Variants in DYNC1I1 observed in about 807,000 individuals in gnomAD.
The protein encoded by DYNC1I1 is cytoplasmic dynein 1 intermediate chain 1.
A neutral mutation model predicts 86.6 loss-of-function variants in DYNC1I1; 43 were observed. The ratio of observed to expected loss-of-function variants is 0.50; its 90% confidence interval spans 0.39 to 0.64. DYNC1I1 has a LOEUF of 0.64. DYNC1I1 is among the 30% of genes least tolerant of loss of function. DYNC1I1 has a pLI of 0.00. For synonymous variants in DYNC1I1, 262 were observed against 283.7 expected (o/e 0.92, Z 0.77); for missense variants, 604 against 788.8 (o/e 0.77, Z 2.81).
intron 1 of DYNC1I1, among the ~76,000 whole-genome samples, chr7:95,803,216 T>C (rs181249743): frequency 6.6e-6 from 1 of 152,326 alleles, no homozygotes; most frequent in African/African-American, 2.4e-5. Flanking sequence ...ATAATGAATG[T>C]CAAAGGCCTG....
At position 96,039,432 on chromosome 7, in the gene DYNC1I1, C is replaced by A. The variant is rs909733190; in HGVS notation, c.1509+11C>A. On this transcript the variant is annotated intron_variant, in intron 14 of 16. Coordinates refer to ENST00000447467, the MANE Select transcript of DYNC1I1 (RefSeq NM_001135556.2). ...CTGTGGACCACCAAGGTAAGAATAT[C>A]TTGACTGAAATTCTCAGATAATACA... The A allele has an allele frequency of 6.2e-7, 1 of 1,613,732 alleles. No individual in the cohort carries two copies. The highest frequency in any genetic ancestry group is 1.7e-5 in the Admixed American group (1 of 59,982).
At chr7:96,038,330 A>G (rs1181030838) in intron 13 of DYNC1I1, among the ~76,000 whole-genome samples, 1 of 152,192 alleles carries the variant, frequency 6.6e-6, no homozygotes, top group African/African-American at 2.4e-5. Context: ...CCTCATGCAC[A>G]TGAATATTTT....
intron 6 of DYNC1I1, among the ~76,000 whole-genome samples, chr7:95,933,108 C>G (rs1296045144): frequency 6.6e-6 from 1 of 152,084 alleles, no homozygotes; most frequent in Non-Finnish European, 1.5e-5. Context: ...GTCTCAAAAT[C>G]CTGTCCTCAA....
intron 7 of DYNC1I1, among the ~76,000 whole-genome samples, chr7:95,980,599 T>TGG (rs2115657887): frequency 7.3e-6 from 1 of 137,118 alleles, no homozygotes; most frequent in East Asian, 2.3e-4. Flanking sequence ...GAGGGGGACA[T>TGG]GGGGAAAATA....
At chr7:95,854,466 T>C (rs1789663613) in intron 5 of DYNC1I1, among the ~76,000 whole-genome samples, 2 of 152,178 alleles carry the variant, frequency 1.3e-5, no homozygotes, top group South Asian at 4.1e-4. Flanking sequence ...TGTGTCACAA[T>C]ATGTATTTTC....
At chr7:96,020,495 A>G (rs1195822237) in intron 10 of DYNC1I1, among the ~76,000 whole-genome samples, 1 of 152,284 alleles carries the variant, frequency 6.6e-6, no homozygotes, top group East Asian at 1.9e-4. Flanking sequence ...CCCATGATCC[A>G]GTTACCTCCC....
At chr7:95,774,453 C>T (rs1368471634) in intron 1 of DYNC1I1, among the ~76,000 whole-genome samples, 1 of 152,084 alleles carries the variant, frequency 6.6e-6, no homozygotes, top group Admixed American at 6.6e-5. Flanking sequence ...TGAAAACATG[C>T]ATGATTGTTT....
intron 12 of DYNC1I1, among the ~76,000 whole-genome samples, chr7:96,033,341 A>G (rs2116000728): frequency 6.6e-6 from 1 of 152,348 alleles, no homozygotes; most frequent in South Asian, 2.1e-4. Context: ...CTGCAAACCA[A>G]TACTGATTGC....
intron 6 of DYNC1I1, among the ~76,000 whole-genome samples, chr7:95,950,612 C>T (rs1011168764): frequency 2.0e-5 from 3 of 152,164 alleles, no homozygotes; most frequent in Admixed American, 6.5e-5. Context: ...CTGCAACTCT[C>T]ATGGCAGAAT....
intron 14 of DYNC1I1, among the ~76,000 whole-genome samples, chr7:96,050,191 A>C (rs1789360350): frequency 6.6e-6 from 1 of 152,204 alleles, no homozygotes; most frequent in African/African-American, 2.4e-5. Flanking sequence ...ATATTAAAAA[A>C]GGAAGTCTGT....
intron 10 of DYNC1I1, among the ~76,000 whole-genome samples, chr7:96,001,152 C>T (rs944372995): frequency 2.0e-5 from 3 of 152,182 alleles, no homozygotes; most frequent in Non-Finnish European, 4.4e-5. Context: ...CTCTCCCCAT[C>T]CACTGTGCTA....
At chr7:96,056,743 CTATA>C (rs1247114323) in intron 14 of DYNC1I1, among the ~76,000 whole-genome samples, 3 of 151,806 alleles carry the variant, frequency 2.0e-5, no homozygotes, top group East Asian at 3.9e-4. Context: ...TGTATATTTA[CTATA>C]TATATAGTGT....
chr7:95,924,679 T>C (rs1243520808), intron 6 of DYNC1I1, among the ~76,000 whole-genome samples: 1 of 152,180 alleles, frequency 6.6e-6, no homozygotes, highest in East Asian at 1.9e-4. Flanking sequence ...CTAATTTTGA[T>C]GGGAGGCTGA....
intron 16 of DYNC1I1, among the ~76,000 whole-genome samples, chr7:96,109,226 A>G (rs185033724): frequency 6.7e-6 from 1 of 149,646 alleles, no homozygotes; most frequent in African/African-American, 2.5e-5. Flanking sequence ...TTTTATTATT[A>G]TTATACTTTA....
intron 1 of DYNC1I1, among the ~76,000 whole-genome samples, chr7:95,790,927 T>C (rs1193176382): frequency 1.3e-5 from 2 of 152,196 alleles, no homozygotes; most frequent in African/African-American, 4.8e-5. Flanking sequence ...CCAACAGGGA[T>C]TGGTGGTCCT....
chr7:95,807,895 A>G (rs1794738647), intron 2 of DYNC1I1, among the ~76,000 whole-genome samples: 2 of 152,074 alleles, frequency 1.3e-5, no homozygotes, highest in Admixed American at 1.3e-4. Flanking sequence ...TCAGGGCTAT[A>G]TGCTTTTGTT....
At chr7:95,918,502 G>A (rs1270238646) in intron 6 of DYNC1I1, among the ~76,000 whole-genome samples, 2 of 152,210 alleles carry the variant, frequency 1.3e-5, no homozygotes, top group African/African-American at 4.8e-5. Flanking sequence ...AATTGTGGAA[G>A]CATAGATGTA....
intron 5 of DYNC1I1, among the ~76,000 whole-genome samples, chr7:95,855,538 G>A (rs745767064): frequency 2.0e-4 from 31 of 152,272 alleles, no homozygotes; most frequent in Non-Finnish European, 3.4e-4. Flanking sequence ...TAATGATGGA[G>A]ATATGTTCTG....
At chr7:96,008,997 A>T (rs1032138580) in intron 10 of DYNC1I1, among the ~76,000 whole-genome samples, 4 of 152,204 alleles carry the variant, frequency 2.6e-5, no homozygotes, top group Non-Finnish European at 5.9e-5. Context: ...GCAAAATATT[A>T]TGTTGCTTCA....
Sources: allele counts gnomAD v4.1 joint callset (sites outside exome capture counted in the v4.1 genomes callset), GRCh38; gene constraint gnomAD v4.1.1; transcripts MANE v1.5; gene names NCBI Gene and HGNC (gene_info 2026-07-23, HGNC 2026-07-21).